Variants in DCLK2 observed in about 807,000 individuals in gnomAD.
DCLK2 encodes serine/threonine-protein kinase DCLK2.
Under a neutral mutation model 78.4 loss-of-function variants are expected in DCLK2, and 31 were observed. The observed-to-expected ratio is 0.40, with a 90% CI of 0.30 to 0.53. The LOEUF (loss-of-function observed/expected upper bound fraction) is 0.53. Among genes scored for constraint, DCLK2 ranks in the 20% least tolerant of loss-of-function variants. DCLK2 has a pLI of 0.61. For missense variants in DCLK2, 872 were observed against 973.7 expected (o/e 0.90, Z 1.39); for synonymous variants, 407 against 374.9 (o/e 1.09, Z -0.99).
intron 2 of DCLK2, among the ~76,000 whole-genome samples, chr4:150,133,341 A>G (rs1733462461): frequency 6.6e-6 from 1 of 152,210 alleles, no homozygotes; most frequent in South Asian, 2.1e-4. Context: ...TATGAGAATG[A>G]CCACGAAAGT....
intron 2 of DCLK2, among the ~76,000 whole-genome samples, chr4:150,116,081 C>G (rs1029556018): frequency 6.6e-6 from 1 of 152,174 alleles, no homozygotes; most frequent in Non-Finnish European, 1.5e-5. Context: ...AGACAGGCAC[C>G]TCTTTTCATC....
At chr4:150,144,506 G>A (rs1734323233) in intron 2 of DCLK2, among the ~76,000 whole-genome samples, 2 of 152,088 alleles carry the variant, frequency 1.3e-5, no homozygotes, top group Non-Finnish European at 2.9e-5. Flanking sequence ...TTTGAAGTTA[G>A]GCAACATGAT....
chr4:150,096,395 T>G (rs1170623441), intron 1 of DCLK2, among the ~76,000 whole-genome samples: 3 of 152,184 alleles, frequency 2.0e-5, no homozygotes, highest in African/African-American at 7.2e-5. Context: ...GATATTCTGT[T>G]AGTGGGTTGA....
chr4:150,173,394 G>A (rs989014883), intron 2 of DCLK2, among the ~76,000 whole-genome samples: 2 of 152,088 alleles, frequency 1.3e-5, no homozygotes, highest in Admixed American at 6.5e-5. Context: ...TTGGTGTCTC[G>A]ATGTCTGTGA....
At chr4:150,124,385 A>G (rs533044654) in intron 2 of DCLK2, among the ~76,000 whole-genome samples, 2 of 152,322 alleles carry the variant, frequency 1.3e-5, no homozygotes, top group African/African-American at 4.8e-5. Context: ...TAATGTGAAC[A>G]TAAAGACATT....
Position 150,141,387 on chromosome 4 carries a change from G to C in DCLK2, c.756+38575G>C, listed in dbSNP as rs1159041959. 1.4e-4 allele frequency among the ~76,000 whole-genome samples: 21 copies of C among 152,108 alleles called. 1 individual carries two copies. Among genetic ancestry groups the C allele is most frequent in the Non-Finnish European group, 1.5e-5 (1 of 68,026 alleles). ...TGACAGGGTTAGATTTTATTTCTCAGGTGTTTCTGTTGGTGTTTCATTTTG... is the reference window on the plus strand; with the variant it reads ...TGACAGGGTTAGATTTTATTTCTCACGTGTTTCTGTTGGTGTTTCATTTTG... On this transcript the variant is annotated intron_variant, in intron 2 of 15. Transcript: ENST00000296550.
intron 1 of DCLK2, among the ~76,000 whole-genome samples, chr4:150,095,059 T>C (rs188814065): frequency 6.6e-4 from 100 of 152,354 alleles, no homozygotes; most frequent in African/African-American, 2.3e-3. Context: ...GAAATTAATA[T>C]ATTGTAAGCT....
At chr4:150,238,106 T>C (rs1381259532) in intron 10 of DCLK2, among the ~76,000 whole-genome samples, 1 of 152,226 alleles carries the variant, frequency 6.6e-6, no homozygotes, top group Non-Finnish European at 1.5e-5. Flanking sequence ...ATGTTCATTG[T>C]AAACATTTTA....
At chr4:150,173,851 T>C (rs1003537077) in intron 2 of DCLK2, among the ~76,000 whole-genome samples, 3 of 152,164 alleles carry the variant, frequency 2.0e-5, no homozygotes, top group Admixed American at 6.5e-5. Context: ...GGGGCTTTAT[T>C]ACATGAACAG....
At chr4:150,079,529 C>T (rs1336812570) in intron 1 of DCLK2, 81 bp downstream of exon 1, 1 of 1,353,520 alleles carries the variant, frequency 7.4e-7, no homozygotes, top group Non-Finnish European at 9.8e-7. Flanking sequence ...AGCGGGGAGC[C>T]CGCGGGGTGC....
In DCLK2 at chr4:150,220,704, A is replaced by G. The variant is rs1560882490; in HGVS notation, c.1058A>G (p.Gln353Arg). 4 of 1,612,894 alleles carry G rather than the reference A, an allele frequency of 2.5e-6. No homozygotes were observed. The highest frequency in any genetic ancestry group is 2.5e-6 in the Non-Finnish European group (3 of 1,179,212). The change falls in exon 6 of 16, where the codon CAG (glutamine) becomes CGG (arginine). Residue 353 changes from glutamine (Q) to arginine (R), a missense_variant and splice_region_variant. Gln to Arg is a conservative substitution (Grantham distance 43). Coordinates refer to ENST00000296550, the MANE Select transcript of DCLK2 (RefSeq NM_001040260.4). ...TSPGSFRGLK[Q>R]ISAHGRSSSN... ...ATAATGGTCATTCTCCTCTTTCAGC[A>G]GATTTCTGCTCATGGCAGATCTTCT...
chr4:150,114,794 T>C (rs1288350152), intron 2 of DCLK2, among the ~76,000 whole-genome samples: 1 of 152,212 alleles, frequency 6.6e-6, no homozygotes, highest in Non-Finnish European at 1.5e-5. Context: ...GGTTACGTGA[T>C]GCTTTTGTCT....
intron 12 of DCLK2, among the ~76,000 whole-genome samples, chr4:150,242,767 GT>G (rs1743022072): frequency 6.6e-6 from 1 of 152,206 alleles, no homozygotes; most frequent in Non-Finnish European, 1.5e-5. Context: ...TTGATGTGCC[GT>G]TAAGCAAATC....
Position 150,203,839 on chromosome 4 carries a change from A to G in DCLK2, c.1006A>G (p.Lys336Glu). 1 of 1,614,022 alleles carries G rather than the reference A, an allele frequency of 6.2e-7. No individual in the cohort carries two copies. Among genetic ancestry groups the G allele is most frequent in the East Asian group, 2.2e-5 (1 of 44,856 alleles). ...CCAACTTTCTACTCCTAAATCTACG[A>G]AATCCTCCAGTTCCTCTCCAACTAG... is the stretch of plus-strand genomic sequence containing the variant. ...SSQLSTPKST[K>E]SSSSSPTSPG... The change falls in exon 5 of 16, where the codon AAA becomes GAA. Residue 336 changes from lysine to glutamate, a missense_variant. Transcript: ENST00000296550.
At chr4:150,202,597 A>C (rs931452514) in intron 4 of DCLK2, among the ~76,000 whole-genome samples, 2 of 152,142 alleles carry the variant, frequency 1.3e-5, no homozygotes, top group African/African-American at 4.8e-5. Flanking sequence ...TCCCCTATTC[A>C]GGACCTTTAC....
At chr4:150,208,401 TTTTTG>T (rs139381318) in intron 5 of DCLK2, among the ~76,000 whole-genome samples, 127,324 of 146,586 alleles carry the variant, frequency 0.87, 55,615 homozygotes, top group Middle Eastern at 0.95. Context: ...TTTTTTTTTG[TTTTTG>T]TTTTGTTTTG....
intron 8 of DCLK2, among the ~76,000 whole-genome samples, chr4:150,229,722 A>G (rs1741897753): frequency 6.6e-6 from 1 of 152,114 alleles, no homozygotes; most frequent in South Asian, 2.1e-4. Context: ...CAGTTTTGTC[A>G]TTTACTCTCA....
chr4:150,139,837 A>G (rs565348774), intron 2 of DCLK2, among the ~76,000 whole-genome samples: 30 of 152,302 alleles, frequency 2.0e-4, no homozygotes, highest in African/African-American at 6.5e-4. Flanking sequence ...TTTGGTCATT[A>G]TTGTCTTGTC....
intron 2 of DCLK2, among the ~76,000 whole-genome samples, chr4:150,115,833 G>A (rs62338171): frequency 0.38 from 58,089 of 152,036 alleles, 11,339 homozygotes; most frequent in Non-Finnish European, 0.42. Context: ...CTTCAGGCCA[G>A]TAGGGGAAGT....
Sources: allele counts gnomAD v4.1 joint callset (sites outside exome capture counted in the v4.1 genomes callset), GRCh38; gene constraint gnomAD v4.1.1; transcripts MANE v1.5; gene names NCBI Gene and HGNC (gene_info 2026-07-23, HGNC 2026-07-21).